The following MYO3B variants were observed in gnomAD, a reference collection of about 807,000 sequenced individuals.
The protein encoded by MYO3B is myosin-IIIb.
In MYO3B, 156 loss-of-function variants were observed where a neutral mutation model predicts 174.6. The ratio of observed to expected loss-of-function variants is 0.89; its 90% CI spans 0.78 to 1.02. The LOEUF is 1.02. Among genes scored for constraint, MYO3B ranks in the 50% least tolerant of loss-of-function variants. MYO3B has a pLI of 0.00. For missense variants in MYO3B, 1,632 were observed against 1,639.4 expected (o/e 1.00, Z 0.08); for synonymous variants, 563 against 569.1 (o/e 0.99, Z 0.15).
chr2:170,513,125 G>A (rs754362103), intron 28 of MYO3B, among the ~76,000 whole-genome samples: 5 of 152,070 alleles, frequency 3.3e-5, no homozygotes, highest in South Asian at 2.1e-4. Flanking sequence ...AGTACCTACC[G>A]TTCAGCTTGA....
intron 32 of MYO3B, among the ~76,000 whole-genome samples, chr2:170,592,703 T>C (rs1272244613): frequency 1.3e-5 from 2 of 152,152 alleles, no homozygotes; most frequent in African/African-American, 4.8e-5. Flanking sequence ...ACATTCTCTT[T>C]AGTGAAGTAT....
intron 7 of MYO3B, among the ~76,000 whole-genome samples, chr2:170,322,082 C>G (rs908431675): frequency 2.0e-5 from 3 of 149,594 alleles, no homozygotes; most frequent in African/African-American, 7.4e-5. Flanking sequence ...CCACTGTGCT[C>G]CAGCCTGGTG....
chr2:170,359,214 G>A (rs1479480805), intron 8 of MYO3B, among the ~76,000 whole-genome samples: 1 of 152,132 alleles, frequency 6.6e-6, no homozygotes, highest in African/African-American at 2.4e-5. Flanking sequence ...AGATTTTTAT[G>A]TTCACAAACA....
chr2:170,382,857 C>T, intron 10 of MYO3B: 1 of 430,934 alleles, frequency 2.3e-6, no homozygotes, highest in Non-Finnish European at 4.2e-6. Context: ...CCTAAGTGGG[C>T]CTAATTCTTT....
intron 8 of MYO3B, chr2:170,340,660 T>G (rs2093971613): frequency 6.6e-6 from 1 of 152,174 alleles, no homozygotes; most frequent in Non-Finnish European, 1.5e-5. Context: ...AAAAGGCATA[T>G]GATCTAATGG....
chr2:170,382,733 G>A (rs1289468143), intron 10 of MYO3B: 7 of 204,618 alleles, frequency 3.4e-5, no homozygotes, highest in Non-Finnish European at 7.0e-5. Flanking sequence ...CTATCAGTAG[G>A]AACAGCCTAT....
chr2:170,539,423 G>T (rs1364666803), intron 30 of MYO3B, among the ~76,000 whole-genome samples: 1 of 152,152 alleles, frequency 6.6e-6, no homozygotes, highest in African/African-American at 2.4e-5. Context: ...TGTTGTCGTG[G>T]TGTTAGTGGT....
intron 7 of MYO3B, among the ~76,000 whole-genome samples, chr2:170,237,165 C>T (rs1308480896): frequency 5.3e-5 from 8 of 152,112 alleles, no homozygotes; most frequent in Admixed American, 5.2e-4. Context: ...GAGGAGCAGA[C>T]GAAGCACCTG....
intron 22 of MYO3B, among the ~76,000 whole-genome samples, chr2:170,435,284 A>G (rs2094744452): frequency 6.6e-6 from 1 of 152,222 alleles, no homozygotes; most frequent in Non-Finnish European, 1.5e-5. Flanking sequence ...GGACTGGGTA[A>G]GGATCATAGT....
At chr2:170,532,838 G>C (rs1461374302) in intron 30 of MYO3B, among the ~76,000 whole-genome samples, 1 of 141,116 alleles carries the variant, frequency 7.1e-6, no homozygotes, top group African/African-American at 2.6e-5. Context: ...AAAAAAAAGA[G>C]TATCAGGTTT....
intron 24 of MYO3B, 97 bp from the exon 25 acceptor site, chr2:170,466,409 A>G (rs558046347): frequency 2.8e-6 from 3 of 1,073,788 alleles, no homozygotes; most frequent in East Asian, 2.4e-5. Context: ...AAGGTCTGTG[A>G]GCCTCGAACT....
At chr2:170,361,301 A>T (rs1239994722) in intron 8 of MYO3B, among the ~76,000 whole-genome samples, 1 of 152,196 alleles carries the variant, frequency 6.6e-6, no homozygotes, top group Non-Finnish European at 1.5e-5. Flanking sequence ...GGCTGTGTTT[A>T]TCTGTGCCCT....
At chr2:170,322,113 G>GA (rs56152648) in intron 7 of MYO3B, among the ~76,000 whole-genome samples, 1,004 of 85,836 alleles carry the variant, frequency 0.012, 27 homozygotes, top group African/African-American at 0.04. Context: ...ACTCCGTCTC[G>GA]AAAAAAAAAA....
At chr2:170,583,645 C>T (rs1282038690) in intron 32 of MYO3B, among the ~76,000 whole-genome samples, 1 of 152,112 alleles carries the variant, frequency 6.6e-6, no homozygotes, top group East Asian at 1.9e-4. Context: ...TTATTCTGTG[C>T]ATGGAACTGG....
At chr2:170,428,542 A>C (rs1558991882) in intron 22 of MYO3B, among the ~76,000 whole-genome samples, 1 of 152,156 alleles carries the variant, frequency 6.6e-6, no homozygotes, top group African/African-American at 2.4e-5. Flanking sequence ...CGTGTTGTTG[A>C]TTTTTGAACA....
At chr2:170,375,503 G>A (rs1350718086) in intron 9 of MYO3B, among the ~76,000 whole-genome samples, 7 of 120,380 alleles carry the variant, frequency 5.8e-5, no homozygotes, top group Non-Finnish European at 9.7e-5. Context: ...GAAGAATTAA[G>A]TTGCTGGGTT....
chr2:170,382,895 G>A, intron 10 of MYO3B, 178 bp from the exon 11 acceptor site: 1 of 495,156 alleles, frequency 2.0e-6, no homozygotes, highest in Non-Finnish European at 3.6e-6. Flanking sequence ...TTCTTTCAAG[G>A]CAAATATTGG....
intron 27 of MYO3B, among the ~76,000 whole-genome samples, chr2:170,500,361 C>G (rs913158405): frequency 6.6e-6 from 1 of 152,132 alleles, no homozygotes; most frequent in African/African-American, 2.4e-5. Flanking sequence ...TTCATCTGAC[C>G]TCTGGGTGAT....
chr2:170,433,951 G>T (rs1331192517), intron 22 of MYO3B, among the ~76,000 whole-genome samples: 1 of 152,112 alleles, frequency 6.6e-6, no homozygotes, highest in African/African-American at 2.4e-5. Context: ...ATCCTGCTCT[G>T]CCCATTTATT....
Sources: gnomAD v4.1 joint callset for allele counts (sites outside exome capture counted in the v4.1 genomes callset) on GRCh38, gnomAD v4.1.1 for gene constraint, MANE v1.5 for transcripts, NCBI Gene and HGNC (gene_info 2026-07-23, HGNC 2026-07-21) for gene names.